Variants in FTO observed in about 807,000 individuals in gnomAD.
FTO encodes the protein FTO alpha-ketoglutarate dependent dioxygenase.
FTO carries 47 observed loss-of-function variants against 63.9 expected under a neutral mutation model. The ratio of observed to expected loss-of-function variants is 0.74; its 90% CI spans 0.58 to 0.94. The LOEUF is 0.94. Among genes scored for constraint, FTO ranks in the 40% least tolerant of loss-of-function variants. The pLI, the probability that FTO is intolerant of heterozygous loss-of-function variation, is 0.00. For synonymous variants in FTO, 207 were observed against 224.4 expected, an observed-to-expected ratio of 0.92 and a Z score of 0.69; for missense variants, 562 against 618.1, an observed-to-expected ratio of 0.91 and a Z score of 0.96.
At chr16:54,099,476 G>A (rs893883286) in intron 8 of FTO, among the ~76,000 whole-genome samples, 1 of 152,050 alleles carries the variant, frequency 6.6e-6, no homozygotes, top group Non-Finnish European at 1.5e-5. Flanking sequence ...AGCGGCCTCC[G>A]ACTTGATACA....
At chr16:53,717,541 T>C (rs1268540767) in intron 1 of FTO, among the ~76,000 whole-genome samples, 1 of 152,136 alleles carries the variant, frequency 6.6e-6, no homozygotes, top group Non-Finnish European at 1.5e-5. Flanking sequence ...AATCATGTGA[T>C]AGAAATATTT....
chr16:53,850,347 T>C (rs934297573), intron 4 of FTO, among the ~76,000 whole-genome samples: 9 of 152,170 alleles, frequency 5.9e-5, no homozygotes, highest in African/African-American at 2.2e-4. Context: ...TTTTTTTTTT[T>C]TTCCAGGGAT....
intron 8 of FTO, among the ~76,000 whole-genome samples, chr16:54,001,730 C>A (rs564855994): frequency 6.6e-6 from 1 of 152,230 alleles, no homozygotes; most frequent in East Asian, 1.9e-4. Flanking sequence ...TGTGTTTTTG[C>A]TCTTCTAGTT....
chr16:53,794,094 G>T (rs1029300589), intron 1 of FTO, among the ~76,000 whole-genome samples: 25 of 152,330 alleles, frequency 1.6e-4, no homozygotes, highest in African/African-American at 5.8e-4. Context: ...AGTATATGAA[G>T]AACTGGGTAT....
chr16:53,980,051 G>A (rs1422060982), intron 8 of FTO, among the ~76,000 whole-genome samples: 1 of 152,176 alleles, frequency 6.6e-6, no homozygotes, highest in African/African-American at 2.4e-5. Context: ...AGCGAACCAG[G>A]CTTGCTTAGC....
At chr16:53,803,568 G>A (rs2078281314) in intron 1 of FTO, among the ~76,000 whole-genome samples, 1 of 152,148 alleles carries the variant, frequency 6.6e-6, no homozygotes, top group Non-Finnish European at 1.5e-5. Context: ...TGTTGTGTAT[G>A]TTGTTTTTCA....
At chr16:53,725,582 T>G (rs973654343) in intron 1 of FTO, among the ~76,000 whole-genome samples, 1 of 152,250 alleles carries the variant, frequency 6.6e-6, no homozygotes, top group African/African-American at 2.4e-5. Context: ...TGTTTTGCTG[T>G]CTGCAGATAT....
At chr16:54,088,992 G>A (rs1210951759) in intron 8 of FTO, among the ~76,000 whole-genome samples, 3 of 152,204 alleles carry the variant, frequency 2.0e-5, no homozygotes, top group African/African-American at 7.2e-5. Context: ...TCCAATAGGA[G>A]ATGGCAGGAA....
At chr16:53,902,800 C>G (rs1360231165) in intron 7 of FTO, among the ~76,000 whole-genome samples, 1 of 152,176 alleles carries the variant, frequency 6.6e-6, no homozygotes, top group African/African-American at 2.4e-5. Context: ...ATATCATAGA[C>G]ACAGGATGCA....
intron 3 of FTO, among the ~76,000 whole-genome samples, chr16:53,828,129 T>C (rs2079056845): frequency 6.6e-6 from 1 of 152,228 alleles, no homozygotes. Flanking sequence ...CAAATATAAA[T>C]TACATATAAA....
intron 2 of FTO, among the ~76,000 whole-genome samples, chr16:53,817,515 A>G (rs1272195376): frequency 1.3e-5 from 2 of 152,210 alleles, no homozygotes; most frequent in Non-Finnish European, 2.9e-5. Flanking sequence ...AGTCCTCTAA[A>G]ATCAGAATAT....
intron 1 of FTO, among the ~76,000 whole-genome samples, chr16:53,746,190 C>T (rs7186637): frequency 0.25 from 37,388 of 152,020 alleles, 5,209 homozygotes; most frequent in African/African-American, 0.38. Flanking sequence ...TAGCCAATGA[C>T]GTGGAAGTGA....
intron 8 of FTO, chr16:54,072,379 A>G (rs2085891338): frequency 6.6e-6 from 1 of 152,246 alleles, no homozygotes; most frequent in Non-Finnish European, 1.5e-5. Flanking sequence ...ACAGGCAGCC[A>G]GCAGCCAGCG....
intron 8 of FTO, among the ~76,000 whole-genome samples, chr16:53,975,913 C>G (rs1193429064): frequency 6.6e-6 from 1 of 152,016 alleles, no homozygotes; most frequent in African/African-American, 2.4e-5. Context: ...TTCCCCTAAC[C>G]TACAGATGAA....
chr16:53,881,309 G>C (rs1210505864), intron 6 of FTO, among the ~76,000 whole-genome samples: 1 of 152,162 alleles, frequency 6.6e-6, no homozygotes, highest in Non-Finnish European at 1.5e-5. Flanking sequence ...TGGGAACCTA[G>C]TCTTTTTCAA....
intron 6 of FTO, among the ~76,000 whole-genome samples, chr16:53,883,645 A>AAAC (rs1567396766): frequency 1.7e-4 from 25 of 150,322 alleles, no homozygotes; most frequent in Non-Finnish European, 7.4e-5. Context: ...ACAAAAAAAA[A>AAAC]AAAACAAATT....
rs184824394 is a variant in FTO, at chr16:53,747,582, A to G, written c.45+43353A>G. 2.0e-3 allele frequency among the ~76,000 whole-genome samples: 301 copies of G among 152,260 alleles called. 3 individuals carry two copies. The highest frequency in any genetic ancestry group is 6.5e-3 in the African/African-American group (272 of 41,566). On this transcript the variant is annotated intron_variant, in intron 1 of 8. Transcript: ENST00000471389. ...TTGAGTTTAGATATTAATCAGATGTATAGCTTATAAATGTTTTCTCCCAAT... is the reference window on the plus strand; with the variant it reads ...TTGAGTTTAGATATTAATCAGATGTGTAGCTTATAAATGTTTTCTCCCAAT...
chr16:54,071,911 A>G (rs2144457648), intron 8 of FTO: 1 of 152,236 alleles, frequency 6.6e-6, no homozygotes, highest in East Asian at 1.9e-4. Flanking sequence ...TGTCTGCAGA[A>G]CCGGTTTTTA....
In FTO at chr16:53,825,986, G is replaced by A. The variant is rs1183612746; in HGVS notation, c.246G>A (p.Leu82=). The A allele has an allele frequency of 6.2e-7, 1 of 1,614,032 alleles. No individual in the cohort carries two copies. Among genetic ancestry groups the A allele is most frequent in the Non-Finnish European group, 8.5e-7 (1 of 1,180,038 alleles). ...LHKHGCLFRD[L]VRIQGKDLLT... Reference sequence around the variant, plus strand: ...AGCATGGCTGCTTATTTCGGGACCTGGTTAGGATCCAAGGCAAAGATCTGC... The same window carrying A: ...AGCATGGCTGCTTATTTCGGGACCTAGTTAGGATCCAAGGCAAAGATCTGC... The change falls in exon 3 of 9, where the codon CTG becomes CTA. Residue 82 remains leucine (L), a synonymous_variant. Transcript: ENST00000471389.
Sources: gnomAD v4.1 joint callset for allele counts (sites outside exome capture counted in the v4.1 genomes callset) on GRCh38, gnomAD v4.1.1 for gene constraint, MANE v1.5 for transcripts, NCBI Gene and HGNC (gene_info 2026-07-23, HGNC 2026-07-21) for gene names.